SLC15A2: variants seen among roughly 807,000 people sequenced by gnomAD.
SLC15A2 encodes the protein kidney H(+)/peptide cotransporter.
Under a neutral mutation model 95.5 loss-of-function variants are expected in SLC15A2, and 77 were observed. That is an observed-to-expected ratio of 0.81 (90% CI 0.67 to 0.97). The LOEUF (loss-of-function observed/expected upper bound fraction) is 0.97, where lower values mean the gene tolerates loss of function less well. Ranked by LOEUF, SLC15A2 falls within the 50% of genes least tolerant of loss-of-function variation. SLC15A2 has a pLI of 0.00. For synonymous variants in SLC15A2, 306 were observed against 306.9 expected (o/e 1.00, Z 0.03); for missense variants, 893 against 874.4 (o/e 1.02, Z -0.27).
chr3:121,910,047 A>C (rs956708937), intron 3 of SLC15A2, among the ~76,000 whole-genome samples: 17 of 149,064 alleles, frequency 1.1e-4, no homozygotes, highest in Admixed American at 1.1e-3. Context: ...GATAGCTAGC[A>C]TTTTTTTTTC....
At chr3:121,916,124 T>C (rs1576678959) in intron 7 of SLC15A2, among the ~76,000 whole-genome samples, 1 of 152,346 alleles carries the variant, frequency 6.6e-6, no homozygotes, top group East Asian at 1.9e-4. Flanking sequence ...TTTTAAATTC[T>C]CCAAGCCTTT....
intron 7 of SLC15A2, among the ~76,000 whole-genome samples, chr3:121,920,794 G>A (rs921169041): frequency 6.6e-6 from 1 of 152,184 alleles, no homozygotes; most frequent in African/African-American, 2.4e-5. Flanking sequence ...AAAAAGTGAT[G>A]GGAGAGAAAA....
In SLC15A2 at chr3:121,943,599, G is replaced by A. The variant is rs1036905490; in HGVS notation, c.*2592G>A. Reference sequence around the variant, plus strand: ...ATGCACTTCTGTTAATGCAGTGTAAGGTAACATGAGTTGTTTTTGGAAACT... The same window carrying A: ...ATGCACTTCTGTTAATGCAGTGTAAAGTAACATGAGTTGTTTTTGGAAACT... On this transcript the variant is annotated 3_prime_UTR_variant, in exon 22 of 22. Coordinates refer to ENST00000489711, the MANE Select transcript of SLC15A2 (RefSeq NM_021082.4). The A allele has an allele frequency of 2.0e-5, 3 of 152,186 alleles. No individual in the cohort carries two copies. The highest frequency in any genetic ancestry group is 7.2e-5 in the African/African-American group (3 of 41,462). The allele number at this position is 152,186 out of a possible 1,614,324, so 9.4% of individuals were successfully genotyped here. A position where few individuals can be genotyped will look rare whatever the true frequency, so the allele number is the denominator to read the frequency against.
rs78498994 is a variant in SLC15A2 at position 121,916,329 on chromosome 3, T to C, written c.697+636T>C. Among the ~76,000 whole-genome samples the C allele has an allele frequency of 4.9e-3, 747 of 152,288 alleles. 7 individuals are homozygous for C. Among genetic ancestry groups the C allele is most frequent in the African/African-American group, 0.017 (694 of 41,562 alleles). ...GGGATGTGGTGTTCCTTATTTTACA[T>C]AGCCTAAGGGAAAACTTGGGCATGA... On this transcript the variant is annotated intron_variant, in intron 7 of 21. Transcript: ENST00000489711.
At chr3:121,895,463 CT>C (rs1024712798) in intron 1 of SLC15A2, 1 of 152,066 alleles carries the variant, frequency 6.6e-6, no homozygotes, top group Non-Finnish European at 1.5e-5. Context: ...ATATATATCC[CT>C]AGGGTTAAAA....
At chr3:121,906,721 G>A (rs546586316) in intron 3 of SLC15A2, among the ~76,000 whole-genome samples, 1 of 151,840 alleles carries the variant, frequency 6.6e-6, no homozygotes, top group East Asian at 1.9e-4. Context: ...TTTCTGGCGA[G>A]AGATCCACTG....
intron 7 of SLC15A2, among the ~76,000 whole-genome samples, chr3:121,919,240 C>G (rs1709958128): frequency 1.3e-5 from 2 of 152,182 alleles, no homozygotes; most frequent in African/African-American, 4.8e-5. Flanking sequence ...TTTATTCCCG[C>G]TGCCCATAGC....
At chr3:121,914,887 C>G in intron 5 of SLC15A2, 1 of 408,698 alleles carries the variant, frequency 2.4e-6, no homozygotes, top group African/African-American at 2.4e-5. Flanking sequence ...CACAAACACA[C>G]ACATGAAATA....
At chr3:121,935,701 C>A (rs907449930) in intron 19 of SLC15A2, among the ~76,000 whole-genome samples, 14 of 151,782 alleles carry the variant, frequency 9.2e-5, no homozygotes, top group African/African-American at 2.7e-4. Flanking sequence ...TTTGTTGATC[C>A]TTTCAAAAAA....
intron 4 of SLC15A2, among the ~76,000 whole-genome samples, chr3:121,912,553 C>T (rs564598650): frequency 1.6e-4 from 25 of 152,098 alleles, no homozygotes; most frequent in Non-Finnish European, 3.1e-4. Flanking sequence ...ATAAATATTA[C>T]TTTCTTATTG....
chr3:121,918,908 C>T (rs1334541836), intron 7 of SLC15A2, among the ~76,000 whole-genome samples: 1 of 152,084 alleles, frequency 6.6e-6, no homozygotes, highest in East Asian at 1.9e-4. Flanking sequence ...CTTTGTCAGC[C>T]AGAAATCTCT....
intron 3 of SLC15A2, among the ~76,000 whole-genome samples, chr3:121,898,598 A>C (rs906077872): frequency 2.0e-5 from 3 of 152,224 alleles, no homozygotes; most frequent in Non-Finnish European, 2.9e-5. Flanking sequence ...GTTATGTGGG[A>C]AAATAAAGCT....
At chr3:121,915,061 AG>A in intron 5 of SLC15A2, 165 bp from the exon 6 acceptor site, 1 of 1,219,194 alleles carries the variant, frequency 8.2e-7, no homozygotes, top group Non-Finnish European at 1.1e-6. Flanking sequence ...GATTGGGGTC[AG>A]CCAGCAATGT....
chr3:121,912,975 T>G (rs746447814), intron 4 of SLC15A2, 46 bp from the exon 5 acceptor site: 3 of 1,360,446 alleles, frequency 2.2e-6, no homozygotes, highest in Non-Finnish European at 3.2e-6. Flanking sequence ...TCTCTACAGG[T>G]GCATTTAGTA....
At position 121,928,495 on chromosome 3, in the gene SLC15A2, G is replaced by T; in HGVS notation, c.1281G>T (p.Lys427Asn). Residue 427 changes from lysine to asparagine, a missense_variant, in exon 15 of 22, where the codon AAG becomes AAT. Coordinates refer to ENST00000489711, the MANE Select transcript of SLC15A2 (RefSeq NM_021082.4). ...TGAATCTGGCAGATGATGAGGTGAAGGTGACAGTGGTGGGAAATGAAAACA... is the reference window on the plus strand; with the variant it reads ...TGAATCTGGCAGATGATGAGGTGAATGTGACAGTGGTGGGAAATGAAAACA... ...QVLNLADDEV[K>N]VTVVGNENNS... is the part of the protein sequence containing the mutation. The T allele has an allele frequency of 6.2e-7, 1 of 1,614,100 alleles. No individual in the cohort carries two copies. The highest frequency in any genetic ancestry group is 8.5e-7 in the Non-Finnish European group (1 of 1,179,936).
At position 121,899,811 on chromosome 3, in the gene SLC15A2, A is replaced by G. The variant is rs576166770; in HGVS notation, c.335+2282A>G. Reference sequence around the variant, plus strand: ...TTGTAGTACAATAAGATATACTGTAAATCATCTTTTTTCCTTCTGAAATTA... The same window carrying G: ...TTGTAGTACAATAAGATATACTGTAGATCATCTTTTTTCCTTCTGAAATTA... On this transcript the variant is annotated intron_variant, in intron 3 of 21. Transcript: ENST00000489711. Among the ~76,000 whole-genome samples the G allele has an allele frequency of 2.6e-5, 4 of 152,258 alleles. No individual in the cohort carries two copies. The East Asian group carries it at 5.8e-4, about 22-fold the overall frequency.
chr3:121,934,354 A>T (rs1386507115), intron 19 of SLC15A2, among the ~76,000 whole-genome samples: 1 of 152,162 alleles, frequency 6.6e-6, no homozygotes, highest in African/African-American at 2.4e-5. Context: ...TACCTTGGGC[A>T]GTATGGCCAT....
rs1278628982 is a variant in SLC15A2, at chr3:121,915,406, T to C, written c.619+89T>C. ...GGCTTTCTCCTGTCTATCATCTCCTTTTATAAGAGCTTGATAATCTGTGAA... is the reference window on the plus strand; with the variant it reads ...GGCTTTCTCCTGTCTATCATCTCCTCTTATAAGAGCTTGATAATCTGTGAA... On this transcript the variant is annotated intron_variant, in intron 6 of 21. Coordinates refer to ENST00000489711, the MANE Select transcript of SLC15A2 (RefSeq NM_021082.4). 1.4e-5 allele frequency: 13 copies of C among 913,958 alleles called. No individual in the cohort carries two copies. The East Asian group carries it at 3.1e-4, about 22-fold the overall frequency. The allele number at this position is 913,958 out of a possible 1,614,324, so 56.6% of individuals were successfully genotyped here.
At chr3:121,931,045 G>A in intron 18 of SLC15A2, 95 bp downstream of exon 18, 1 of 756,892 alleles carries the variant, frequency 1.3e-6, no homozygotes, top group South Asian at 1.6e-5. Context: ...GGTGCATGTG[G>A]TCTAATTTTG....
Sources: allele counts gnomAD v4.1 joint callset (sites outside exome capture counted in the v4.1 genomes callset), GRCh38; gene constraint gnomAD v4.1.1; transcripts MANE v1.5; gene names NCBI Gene and HGNC (gene_info 2026-07-23, HGNC 2026-07-21).